CAMTA1: variants seen among roughly 807,000 people sequenced by gnomAD.
CAMTA1 encodes calmodulin binding transcription activator 1.
CAMTA1 carries 27 observed loss-of-function variants against 170.9 expected under a neutral mutation model. The observed-to-expected ratio is 0.16, with a 90% CI of 0.12 to 0.22. The LOEUF is 0.22. CAMTA1 is among the 10% of genes least tolerant of loss of function. CAMTA1 has a pLI of 1.00. For synonymous variants in CAMTA1, 833 were observed against 891.5 expected, an observed-to-expected ratio of 0.93 and a Z score of 1.17; for missense variants, 1,619 against 2,217.2, an observed-to-expected ratio of 0.73 and a Z score of 5.42.
chr1:6,808,430 A>C (rs1005157045), intron 1 of CAMTA1, among the ~76,000 whole-genome samples: 34 of 151,950 alleles, frequency 2.2e-4, no homozygotes, highest in Non-Finnish European at 2.8e-4. Flanking sequence ...TAGAAGTTGC[A>C]CCTGCCTCAG....
At chr1:7,701,247 G>T (rs2096436095) in intron 11 of CAMTA1, among the ~76,000 whole-genome samples, 1 of 152,166 alleles carries the variant, frequency 6.6e-6, no homozygotes, top group Non-Finnish European at 1.5e-5. Flanking sequence ...TATCCTGCTT[G>T]CAGGAGACTT....
At position 7,686,474 on chromosome 1, in the gene CAMTA1, G is replaced by C. The variant is rs574067884; in HGVS notation, c.2914+8741G>C. 3.9e-5 allele frequency among the ~76,000 whole-genome samples: 6 copies of C among 152,052 alleles called. No homozygotes were observed. In the South Asian group the frequency reaches 1.3e-3, roughly 32 times the overall value. On this transcript the variant is annotated intron_variant, in intron 11 of 22. Coordinates refer to ENST00000303635, the MANE Select transcript of CAMTA1 (RefSeq NM_015215.4). ...GGGAGAGGGCAAGCCTGGCGCGTTG[G>C]GGGAGCTGCGGTCAGAATAGAGGAA...
At chr1:7,519,869 G>A (rs2094337344) in intron 6 of CAMTA1, among the ~76,000 whole-genome samples, 1 of 151,534 alleles carries the variant, frequency 6.6e-6, no homozygotes, top group South Asian at 2.1e-4. Flanking sequence ...TATCTGCACA[G>A]CCACCACCCT....
intron 11 of CAMTA1, among the ~76,000 whole-genome samples, chr1:7,687,967 T>C (rs573834160): frequency 1.3e-5 from 2 of 149,434 alleles, no homozygotes; most frequent in East Asian, 3.9e-4. Flanking sequence ...CTCAGGCAAT[T>C]ACGCCCCAGC....
At chr1:7,084,495 GC>G (rs1032038178) in intron 3 of CAMTA1, among the ~76,000 whole-genome samples, 99 of 152,298 alleles carry the variant, frequency 6.5e-4, no homozygotes, top group African/African-American at 2.1e-3. Flanking sequence ...GGTGAATCCA[GC>G]CCCTCTGAGA....
At chr1:7,384,794 T>A (rs1179177262) in intron 5 of CAMTA1, among the ~76,000 whole-genome samples, 1 of 152,056 alleles carries the variant, frequency 6.6e-6, no homozygotes, top group Non-Finnish European at 1.5e-5. Context: ...TGGAGATGAG[T>A]TCCTGGCAAG....
At chr1:7,103,427 T>TGC (rs1642996817) in intron 4 of CAMTA1, among the ~76,000 whole-genome samples, 1 of 28,230 alleles carries the variant, frequency 3.5e-5, no homozygotes, top group Non-Finnish European at 6.3e-5. Context: ...CACACACACC[T>TGC]ACACACACTA....
chr1:6,911,436 G>A (rs983708612), intron 3 of CAMTA1, among the ~76,000 whole-genome samples: 1 of 152,210 alleles, frequency 6.6e-6, no homozygotes, highest in African/African-American at 2.4e-5. Flanking sequence ...AGAGATATGA[G>A]CCACAAAGCC....
At chr1:7,284,036 T>G (rs1002497895) in intron 5 of CAMTA1, among the ~76,000 whole-genome samples, 1 of 152,218 alleles carries the variant, frequency 6.6e-6, no homozygotes, top group Non-Finnish European at 1.5e-5. Flanking sequence ...TGCTCCCGTT[T>G]TCTCATCTAT....
Position 7,674,787 on chromosome 1 carries a change from GCAAA to G in CAMTA1, c.2780-2799_2780-2796del, listed in dbSNP as rs974595342. On this transcript the variant is annotated intron_variant, in intron 10 of 22. Coordinates refer to ENST00000303635, the MANE Select transcript of CAMTA1 (RefSeq NM_015215.4). This position sits in a 1 kb window ranked among gnomAD's most constrained non-coding sequence, Gnocchi z 4.1. The stretch of plus-strand genomic sequence containing the variant: ...AGACTCTGTCTCAAAAAAACAAAAA[GCAAA>G]CAAACAAACAAAAACAACAAATGAG... Among the ~76,000 whole-genome samples, 7 of 151,868 alleles carry G rather than the reference GCAAA, an allele frequency of 4.6e-5. No individual in the cohort carries two copies. The highest frequency in any genetic ancestry group is 7.3e-5 in the African/African-American group (3 of 41,350).
chr1:7,169,806 C>T (rs990752175), intron 4 of CAMTA1, among the ~76,000 whole-genome samples: 2 of 152,334 alleles, frequency 1.3e-5, no homozygotes, highest in South Asian at 4.1e-4. Context: ...GAATTACAGG[C>T]ATGAGCCACT....
chr1:7,118,656 A>C (rs986422889), intron 4 of CAMTA1, among the ~76,000 whole-genome samples: 7 of 152,012 alleles, frequency 4.6e-5, no homozygotes, highest in Non-Finnish European at 7.4e-5. Context: ...GTGTCTCTAC[A>C]CATCGTTTGA....
intron 3 of CAMTA1, among the ~76,000 whole-genome samples, chr1:6,851,420 G>A (rs956830265): frequency 6.6e-6 from 1 of 152,204 alleles, no homozygotes; most frequent in African/African-American, 2.4e-5. Context: ...CTGTGGAAAG[G>A]TCTAACCAAC....
intron 6 of CAMTA1, among the ~76,000 whole-genome samples, chr1:7,498,267 CGTGT>C (rs201601328): frequency 1.3e-4 from 17 of 133,680 alleles, no homozygotes; most frequent in South Asian, 4.9e-4. Context: ...TATGAGAGAG[CGTGT>C]GTGAGTGTGA....
intron 5 of CAMTA1, among the ~76,000 whole-genome samples, chr1:7,294,939 G>T (rs1437174268): frequency 6.6e-6 from 1 of 152,150 alleles, no homozygotes; most frequent in Non-Finnish European, 1.5e-5. Context: ...TCTGCACTTG[G>T]TCTGGTCTCC....
chr1:7,354,104 G>T (rs2084909655), intron 5 of CAMTA1, among the ~76,000 whole-genome samples: 1 of 151,820 alleles, frequency 6.6e-6, no homozygotes, highest in Admixed American at 6.6e-5. Flanking sequence ...CTCTTTTAAG[G>T]CTGCGTAGTA....
rs1398821910 is a variant in CAMTA1 at position 7,065,558 on chromosome 1, A to G, written c.235-25746A>G. ...GAGGTCCTGGAGGAGGGGACAGGAG[A>G]TGGGATCCAGGGCGCAGCTGGAGGG... On this transcript the variant is annotated intron_variant, in intron 3 of 22. Coordinates refer to ENST00000303635, the MANE Select transcript of CAMTA1 (RefSeq NM_015215.4). The surrounding 1 kb of genome is among the most constrained non-coding windows in gnomAD (Gnocchi z 5.2). Among the ~76,000 whole-genome samples the G allele has an allele frequency of 6.6e-6, 1 of 152,070 alleles. No homozygotes were observed. The highest frequency in any genetic ancestry group is 2.4e-5 in the African/African-American group (1 of 41,404).
chr1:7,564,933 T>G (rs1171344031), intron 6 of CAMTA1, among the ~76,000 whole-genome samples: 10 of 144,672 alleles, frequency 6.9e-5, no homozygotes, highest in Admixed American at 4.1e-4. Context: ...GACAGAGAAA[T>G]GGAGAAGGAG....
In CAMTA1 at chr1:7,092,212, G is replaced by A. The variant is rs1403014920; in HGVS notation, c.302+841G>A. ...GATGCCTGGACTGCAGGCTTGAACTGAAGTGGTGGAATGTCCAGTTGGTTT... is the reference window on the plus strand; with the variant it reads ...GATGCCTGGACTGCAGGCTTGAACTAAAGTGGTGGAATGTCCAGTTGGTTT... On this transcript the variant is annotated intron_variant, in intron 4 of 22. Coordinates refer to ENST00000303635, the MANE Select transcript of CAMTA1 (RefSeq NM_015215.4). This position sits in a 1 kb window ranked among gnomAD's most constrained non-coding sequence, Gnocchi z 5.0. 6.6e-6 allele frequency among the ~76,000 whole-genome samples: 1 copy of A among 152,194 alleles called. No homozygotes were observed.
Sources: gnomAD v4.1 joint callset for allele counts (sites outside exome capture counted in the v4.1 genomes callset) on GRCh38, gnomAD v4.1.1 for gene constraint, Gnocchi (gnomAD v3.1) non-coding constraint, MANE v1.5 for transcripts, NCBI Gene and HGNC (gene_info 2026-07-23, HGNC 2026-07-21) for gene names.